The following NKIRAS1 variants were observed in gnomAD, a reference collection of about 807,000 sequenced individuals.
NKIRAS1 encodes the protein NFKB inhibitor interacting Ras like 1.
A neutral mutation model predicts 19.8 loss-of-function variants in NKIRAS1; 16 were observed. The observed-to-expected ratio is 0.81, with a 90% CI of 0.55 to 1.23. The LOEUF is 1.23. Ranked by LOEUF, NKIRAS1 falls within the 50% of genes most tolerant of loss-of-function variation. The probability of loss-of-function intolerance (pLI) is 0.00; values close to 1 mark genes in which losing one functional copy is unlikely to be tolerated. For missense variants in NKIRAS1, 184 were observed against 220.0 expected (o/e 0.84, Z 1.04); for synonymous variants, 88 against 79.0 (o/e 1.11, Z -0.61).
At chr3:23,945,649 G>C in intron 1 of NKIRAS1, 1 of 1,148,228 alleles carries the variant, frequency 8.7e-7, no homozygotes. Flanking sequence ...CTCAGAGCCC[G>C]CGGGGCACTT....
chr3:23,910,585 T>C (rs1382563981), intron 3 of NKIRAS1, among the ~76,000 whole-genome samples: 1 of 152,252 alleles, frequency 6.6e-6, no homozygotes, highest in Non-Finnish European at 1.5e-5. Context: ...CTATCTATAT[T>C]GGCCATTTCT....
At chr3:23,906,980 G>T (rs908637487) in intron 3 of NKIRAS1, among the ~76,000 whole-genome samples, 3 of 152,012 alleles carry the variant, frequency 2.0e-5, no homozygotes, top group African/African-American at 7.2e-5. Context: ...GATAAACTCT[G>T]CCTCCCGGGT....
chr3:23,911,572 A>T (rs1001105405), intron 1 of NKIRAS1, 122 bp from the exon 2 acceptor site: 1 of 152,158 alleles, frequency 6.6e-6, no homozygotes, highest in Non-Finnish European at 1.5e-5. Flanking sequence ...GCAATCCAAC[A>T]GACTCTTAAA....
intron 1 of NKIRAS1, chr3:23,916,224 A>T (rs1180281694): frequency 2.0e-5 from 3 of 152,210 alleles, no homozygotes; most frequent in African/African-American, 7.2e-5. Context: ...ATAATCTGGA[A>T]GGAAATTAAA....
At chr3:23,940,167 C>CAAAAAAAA (rs1559517464) in intron 1 of NKIRAS1, among the ~76,000 whole-genome samples, 8 of 28,898 alleles carry the variant, frequency 2.8e-4, no homozygotes, top group Non-Finnish European at 4.5e-4. Flanking sequence ...CCCATCTCTA[C>CAAAAAAAA]CAAAAAAAAA....
chr3:23,910,829 A>C lies in NKIRAS1; in HGVS notation c.76T>G (p.Tyr26Asp), dbSNP rs372391274. The change falls in exon 3 of 5, where the codon TAT becomes GAT. Residue 26 changes from tyrosine (Y) to aspartate (D), a missense_variant. By Grantham distance (160) the Tyr-to-Asp change is radical. Coordinates refer to ENST00000425478, the MANE Select transcript of NKIRAS1 (RefSeq NM_020345.4). ...ATCTTACCAATAGTATGATTTCCAT[A>C]AAGGAGCTGCTCCAAAATTGCAGTT... ...GKTAILEQLL[Y>D]GNHTIGMEDC... 2 of 1,613,312 alleles carry C rather than the reference A, an allele frequency of 1.2e-6. No homozygotes were observed. Among genetic ancestry groups the C allele is most frequent in the African/African-American group, 2.7e-5 (2 of 74,902 alleles).
At chr3:23,907,783 A>G (rs974902649) in intron 3 of NKIRAS1, among the ~76,000 whole-genome samples, 3 of 152,210 alleles carry the variant, frequency 2.0e-5, no homozygotes, top group South Asian at 2.1e-4. Flanking sequence ...CCTTGAGTAT[A>G]TATCTTTTCA....
In NKIRAS1 at chr3:23,890,726, A is replaced by G. The variant is rs1701393627; in HGVS notation, c.*2369T>C. Reference sequence around the variant, plus strand: ...GTAGGGTATTTCTATAACAGATATTATTCAGTCTTATTTCCTAAGATTTTG... The same window carrying G: ...GTAGGGTATTTCTATAACAGATATTGTTCAGTCTTATTTCCTAAGATTTTG... On this transcript the variant is annotated 3_prime_UTR_variant, in exon 5 of 5. Transcript: ENST00000425478. 3.6e-6 allele frequency: 3 copies of G among 822,936 alleles called. No homozygotes were observed. Among genetic ancestry groups the G allele is most frequent in the East Asian group, 6.1e-5 (2 of 32,624 alleles). The allele number at this position is 822,936 out of a possible 1,614,324, so 51.0% of individuals were successfully genotyped here.
In NKIRAS1 at chr3:23,939,752, C is replaced by A. The variant is rs539189065; in HGVS notation, c.-140+6571G>T. On this transcript the variant is annotated intron_variant, in intron 1 of 4. Coordinates refer to the NKIRAS1 transcript ENST00000421515. Reference sequence around the variant, plus strand: ...GAGCGAGACTCCGTCTCAAAACAAACAAACAAACAAACAAAAAACAAAAAA... The same window carrying A: ...GAGCGAGACTCCGTCTCAAAACAAAAAAACAAACAAACAAAAAACAAAAAA... Among the ~76,000 whole-genome samples the A allele has an allele frequency of 5.8e-3, 881 of 152,050 alleles. 2 individuals are homozygous for A. The highest frequency in any genetic ancestry group is 9.0e-3 in the Non-Finnish European group (610 of 67,956).
chr3:23,942,474 C>A (rs1344957364), intron 1 of NKIRAS1, among the ~76,000 whole-genome samples: 1 of 152,138 alleles, frequency 6.6e-6, no homozygotes, highest in South Asian at 2.1e-4. Flanking sequence ...TCTTGTTGCC[C>A]AGGCTGGAGT....
rs138530494 is a variant in NKIRAS1 at position 23,900,567 on chromosome 3, G to A, written c.336+241C>T. ...GGAGAATCGCTTGTACCCGGGAGGC[G>A]GAGGTTGCAGTGAGCCAAGATCGCA... On this transcript the variant is annotated intron_variant, in intron 4 of 4. Coordinates refer to ENST00000425478, the MANE Select transcript of NKIRAS1 (RefSeq NM_020345.4). Among the ~76,000 whole-genome samples, 381 of 151,524 alleles carry A rather than the reference G, an allele frequency of 2.5e-3. 2 individuals carry two copies. Among genetic ancestry groups the A allele is most frequent in the East Asian group, 0.016 (80 of 5,150 alleles).
intron 1 of NKIRAS1, chr3:23,945,645 G>T: frequency 6.0e-6 from 6 of 1,006,152 alleles, no homozygotes; most frequent in Non-Finnish European, 7.3e-6. Context: ...AGCGCTCAGA[G>T]CCCGCGGGGC....
chr3:23,895,196 G>C (rs1013396242), intron 4 of NKIRAS1, among the ~76,000 whole-genome samples: 1 of 152,072 alleles, frequency 6.6e-6, no homozygotes, highest in African/African-American at 2.4e-5. Context: ...TTAATTTTTA[G>C]AGATGGGGTC....
At chr3:23,918,703 A>G, upstream of NKIRAS1, 2 of 1,161,502 alleles carry the variant, frequency 1.7e-6, no homozygotes, top group East Asian at 4.8e-5. Context: ...TGTGATTTTT[A>G]CTAATCTTGG....
intron 1 of NKIRAS1, among the ~76,000 whole-genome samples, chr3:23,915,157 C>A (rs1016300078): frequency 6.6e-6 from 1 of 152,144 alleles, no homozygotes; most frequent in Non-Finnish European, 1.5e-5. Context: ...TCTAGGTGGG[C>A]CCAGTGTAAT....
intron 1 of NKIRAS1, among the ~76,000 whole-genome samples, chr3:23,938,066 A>G (rs567954168): frequency 6.6e-6 from 1 of 152,304 alleles, no homozygotes; most frequent in Admixed American, 6.5e-5. Flanking sequence ...TGGAACCATT[A>G]TGTGGAGTGG....
chr3:23,893,873 G>T (rs941419485), intron 4 of NKIRAS1, among the ~76,000 whole-genome samples: 6 of 151,334 alleles, frequency 4.0e-5, no homozygotes, highest in African/African-American at 1.5e-4. Flanking sequence ...ATTAGCTCAG[G>T]TATGAATGGA....
chr3:23,893,865 TAGCTC>T (rs1319615587), intron 4 of NKIRAS1, among the ~76,000 whole-genome samples: 2 of 147,796 alleles, frequency 1.4e-5, no homozygotes, highest in South Asian at 2.1e-4. Flanking sequence ...AAAAAAAAAT[TAGCTC>T]AGGTATGAAT....
chr3:23,900,671 A>G (rs1559502763), intron 4 of NKIRAS1, 137 bp downstream of exon 4: 2 of 669,476 alleles, frequency 3.0e-6, no homozygotes, highest in Non-Finnish European at 4.8e-6. Flanking sequence ...AAAGAAAAAG[A>G]AAAGAAAAAA....
Sources: gnomAD v4.1 joint callset for allele counts (sites outside exome capture counted in the v4.1 genomes callset) on GRCh38, gnomAD v4.1.1 for gene constraint, MANE v1.5 for transcripts, NCBI Gene and HGNC (gene_info 2026-07-23, HGNC 2026-07-21) for gene names.